The following TLL1 variants were observed in gnomAD, a reference collection of about 807,000 sequenced individuals.
The protein encoded by TLL1 is tolloid like 1, also known as tolloid-like protein 1.
In TLL1, 49 loss-of-function variants were observed where a neutral mutation model predicts 128.2. The observed-to-expected ratio is 0.38, with a 90% CI of 0.30 to 0.48. TLL1 has a LOEUF of 0.48. TLL1 is among the 20% of genes least tolerant of loss of function. The pLI, the probability that TLL1 is intolerant of heterozygous loss-of-function variation, is 0.96. For missense variants in TLL1, 1,123 were observed against 1,242.0 expected, an observed-to-expected ratio of 0.90 and a Z score of 1.44; for synonymous variants, 454 against 418.8, an observed-to-expected ratio of 1.08 and a Z score of -1.03.
chr4:165,905,944 G>A (rs1367176310), intron 1 of TLL1, among the ~76,000 whole-genome samples: 1 of 152,108 alleles, frequency 6.6e-6, no homozygotes, highest in African/African-American at 2.4e-5. Context: ...TTCTAGGAAT[G>A]ATTCTGCTTG....
chr4:166,048,785 C>T (rs1449560248), intron 12 of TLL1, among the ~76,000 whole-genome samples: 1 of 152,120 alleles, frequency 6.6e-6, no homozygotes, highest in Non-Finnish European at 1.5e-5. Context: ...TTAGTTCAAA[C>T]GGTATTAAGT....
At chr4:165,949,437 A>G (rs1335341298) in intron 1 of TLL1, among the ~76,000 whole-genome samples, 2 of 152,172 alleles carry the variant, frequency 1.3e-5, no homozygotes, top group African/African-American at 4.8e-5. Context: ...TGACCAACAG[A>G]AACTATGAAA....
At chr4:166,074,460 T>C (rs1449498455) in intron 16 of TLL1, among the ~76,000 whole-genome samples, 1 of 151,964 alleles carries the variant, frequency 6.6e-6, no homozygotes, top group African/African-American at 2.4e-5. Context: ...GGTTAATATA[T>C]TGAAGGATAT....
intron 2 of TLL1, among the ~76,000 whole-genome samples, chr4:165,991,477 T>A (rs554074742): frequency 6.6e-6 from 1 of 152,100 alleles, no homozygotes; most frequent in Admixed American, 6.6e-5. Context: ...AAGTATTACC[T>A]CATCTTTCTA....
chr4:166,003,641 T>C, intron 6 of TLL1, 72 bp downstream of exon 6: 1 of 1,521,808 alleles, frequency 6.6e-7, no homozygotes, highest in Non-Finnish European at 9.1e-7. Context: ...CAGTTTATTA[T>C]TTCACTTTCC....
intron 19 of TLL1, 71 bp from the exon 20 acceptor site, chr4:166,099,206 T>G: frequency 6.2e-7 from 1 of 1,606,138 alleles, no homozygotes; most frequent in Admixed American, 1.7e-5. Context: ...ACACTGAAAC[T>G]ACACTGAAAT....
In TLL1 at chr4:166,102,359, TAATG is replaced by T. The variant is rs904117728; in HGVS notation, c.*1488_*1491del. 2.0e-5 allele frequency: 3 copies of T among 152,406 alleles called. No homozygotes were observed. Among genetic ancestry groups the T allele is most frequent in the Admixed American group, 6.6e-5 (1 of 15,228 alleles). The allele number at this position is 152,406 out of a possible 1,614,324, so 9.4% of individuals were successfully genotyped here. On this transcript the variant is annotated 3_prime_UTR_variant, in exon 21 of 21. Transcript: ENST00000061240. ...TTAAAGGCATGTGTGTTTTTAAAAT[TAATG>T]AATGTAGATGTGTGATTGTCTGAGT... is the stretch of plus-strand genomic sequence containing the variant.
intron 1 of TLL1, among the ~76,000 whole-genome samples, chr4:165,911,714 C>T (rs911539100): frequency 6.6e-6 from 1 of 152,008 alleles, no homozygotes; most frequent in African/African-American, 2.4e-5. Context: ...TCCTGTGTCT[C>T]GTATTGATAT....
chr4:166,052,965 G>GTGTGTGTGTGTGTATATA, intron 12 of TLL1, among the ~76,000 whole-genome samples: 1 of 99,696 alleles, frequency 1.0e-5, no homozygotes, highest in African/African-American at 3.8e-5. Context: ...GAGGTTATGT[G>GTGTGTGTGTGTGTATATA]TATATATATA....
intron 12 of TLL1, among the ~76,000 whole-genome samples, chr4:166,048,393 G>A (rs974859878): frequency 1.3e-5 from 2 of 152,088 alleles, no homozygotes; most frequent in African/African-American, 4.8e-5. Flanking sequence ...TAAATTTCGT[G>A]GTTTGTAAAC....
chr4:166,087,703 T>G (rs1455642963), intron 18 of TLL1, among the ~76,000 whole-genome samples: 2 of 152,196 alleles, frequency 1.3e-5, no homozygotes, highest in Non-Finnish European at 2.9e-5. Flanking sequence ...CTTTAGCTAT[T>G]GCCTGTATGT....
chr4:165,928,523 C>G (rs1185387540), intron 1 of TLL1, among the ~76,000 whole-genome samples: 1 of 152,132 alleles, frequency 6.6e-6, no homozygotes, highest in East Asian at 1.9e-4. Context: ...AAAGGAACAG[C>G]AAAAGCTAAA....
intron 18 of TLL1, among the ~76,000 whole-genome samples, chr4:166,081,312 C>T (rs1741272796): frequency 6.6e-6 from 1 of 152,176 alleles, no homozygotes; most frequent in Non-Finnish European, 1.5e-5. Flanking sequence ...TCTGCTTCTC[C>T]TTCAGAGGCT....
At chr4:165,890,925 A>T (rs1471633821) in intron 1 of TLL1, among the ~76,000 whole-genome samples, 3 of 152,008 alleles carry the variant, frequency 2.0e-5, no homozygotes. Flanking sequence ...CCTGCAGCAC[A>T]CCTCTGCCTG....
chr4:166,000,187 C>A (rs1034319235), intron 5 of TLL1, among the ~76,000 whole-genome samples: 13 of 152,312 alleles, frequency 8.5e-5, no homozygotes, highest in Admixed American at 8.5e-4. Context: ...TACAAGAAAA[C>A]AGCATCAAAC....
At chr4:165,874,557 G>A (rs138888948) in intron 1 of TLL1, among the ~76,000 whole-genome samples, 48 of 152,214 alleles carry the variant, frequency 3.2e-4, no homozygotes, top group Non-Finnish European at 5.9e-4. Flanking sequence ...GAGACACCTT[G>A]GCTCCCTCTT....
intron 3 of TLL1, 23 bp from the exon 4 acceptor site, chr4:165,994,358 G>A: frequency 6.2e-7 from 1 of 1,613,874 alleles, no homozygotes; most frequent in Non-Finnish European, 8.5e-7. Flanking sequence ...CTGTTTCACA[G>A]AATGTTTTAA....
chr4:165,914,348 A>G (rs1242176187), intron 1 of TLL1, among the ~76,000 whole-genome samples: 2 of 150,426 alleles, frequency 1.3e-5, no homozygotes, highest in African/African-American at 2.4e-5. Flanking sequence ...TTTTCTAAAT[A>G]AACATTAATA....
rs1407212573 is a variant in TLL1, at chr4:166,104,029, G to T, written c.*3153G>T. 2.0e-5 allele frequency: 3 copies of T among 151,848 alleles called. No homozygotes were observed. Among genetic ancestry groups the T allele is most frequent in the African/African-American group, 7.3e-5 (3 of 41,378 alleles). 9.4% of individuals were successfully genotyped at this position (151,848 alleles called of 1,614,324 possible). On this transcript the variant is annotated 3_prime_UTR_variant, in exon 21 of 21. Coordinates refer to ENST00000061240, the MANE Select transcript of TLL1 (RefSeq NM_012464.5). ...CAAATATCCCATTCCTATACTGGCT[G>T]GATTTTTGCTACCTGTCGCTCATTT...
Sources: allele counts gnomAD v4.1 joint callset (sites outside exome capture counted in the v4.1 genomes callset), GRCh38; gene constraint gnomAD v4.1.1; transcripts MANE v1.5; gene names NCBI Gene and HGNC (gene_info 2026-07-23, HGNC 2026-07-21).